GRAMD1B: variants seen among roughly 807,000 people sequenced by gnomAD.
GRAMD1B encodes the protein protein Aster-B.
Under a neutral mutation model 99.7 loss-of-function variants are expected in GRAMD1B, and 37 were observed. That is an observed-to-expected ratio of 0.37 (90% CI 0.29 to 0.49). The LOEUF (loss-of-function observed/expected upper bound fraction) is 0.49. Among genes scored for constraint, GRAMD1B ranks in the 20% least tolerant of loss-of-function variants. The pLI is 0.98. For missense variants in GRAMD1B, 888 were observed against 1,009.2 expected (o/e 0.88, Z 1.63); for synonymous variants, 427 against 387.6 (o/e 1.10, Z -1.19).
At chr11:123,478,604 TG>T (rs1951424695) in intron 1 of GRAMD1B, among the ~76,000 whole-genome samples, 1 of 152,162 alleles carries the variant, frequency 6.6e-6, no homozygotes, top group South Asian at 2.1e-4. Context: ...TGGGTAAACT[TG>T]CAAATATCAG....
intron 2 of GRAMD1B, among the ~76,000 whole-genome samples, chr11:123,530,983 C>G (rs1943313408): frequency 6.6e-6 from 1 of 152,150 alleles, no homozygotes; most frequent in Admixed American, 6.5e-5. Flanking sequence ...CTCTCAGCTT[C>G]CTTTTTAGTA....
At chr11:123,388,357 T>C (rs1404264645) in intron 1 of GRAMD1B, among the ~76,000 whole-genome samples, 1 of 151,792 alleles carries the variant, frequency 6.6e-6, no homozygotes, top group Admixed American at 6.6e-5. Context: ...CCCACATGAA[T>C]GGGATTAATT....
chr11:123,500,750 G>T (rs898114848), intron 2 of GRAMD1B, among the ~76,000 whole-genome samples: 2 of 151,910 alleles, frequency 1.3e-5, no homozygotes, highest in East Asian at 1.9e-4. Context: ...GCGGCTTACT[G>T]CAACCTCTGT....
intron 2 of GRAMD1B, among the ~76,000 whole-genome samples, chr11:123,507,436 C>T (rs1565309253): frequency 6.6e-6 from 1 of 152,178 alleles, no homozygotes; most frequent in Non-Finnish European, 1.5e-5. Context: ...CCACTACTCT[C>T]ATCCTCAACC....
chr11:123,448,412 G>A (rs528617322), intron 1 of GRAMD1B, among the ~76,000 whole-genome samples: 1 of 152,242 alleles, frequency 6.6e-6, no homozygotes, highest in South Asian at 2.1e-4. Context: ...TAGAGACGGG[G>A]TTTCGCCATA....
In GRAMD1B at chr11:123,591,149, G is replaced by A; in HGVS notation, c.685-2933G>A. The A allele has an allele frequency of 3.0e-6, 1 of 333,946 alleles. No homozygotes were observed. Among genetic ancestry groups the A allele is most frequent in the Non-Finnish European group, 5.4e-6 (1 of 185,260 alleles). The allele number at this position is 333,946 out of a possible 1,614,324, so 20.7% of individuals were successfully genotyped here. A position where few individuals can be genotyped will look rare whatever the true frequency, so the allele number is the denominator to read the frequency against. ...AAGCAGAGCCCGCCATGGGAGACTG[G>A]CTGGCCAGCTTGTCCTGAGAACCAC... On this transcript the variant is annotated intron_variant, in intron 4 of 19. Transcript: ENST00000635736. This position sits in a 1 kb window ranked among gnomAD's most constrained non-coding sequence, Gnocchi z 4.7.
rs1307741239 is a variant in GRAMD1B, at chr11:123,625,849, G to A, written c.*3254G>A. The A allele has an allele frequency of 6.6e-6, 1 of 151,966 alleles. No individual in the cohort carries two copies. The highest frequency in any genetic ancestry group is 2.4e-5 in the African/African-American group (1 of 41,346). The allele number at this position is 151,966 out of a possible 1,614,324, so 9.4% of individuals were successfully genotyped here. A position where few individuals can be genotyped will look rare whatever the true frequency, so the allele number is the denominator to read the frequency against. On this transcript the variant is annotated 3_prime_UTR_variant, in exon 20 of 20. Coordinates refer to ENST00000635736, the MANE Select transcript of GRAMD1B (RefSeq NM_001387025.1). ...GAAGCTTCCCAGTATTTAGAGGTGT[G>A]GTAGGGCAGTGTCTGCATTCCCAGG...
chr11:123,533,443 T>G (rs1943629418), intron 2 of GRAMD1B, among the ~76,000 whole-genome samples: 1 of 152,136 alleles, frequency 6.6e-6, no homozygotes, highest in Non-Finnish European at 1.5e-5. Context: ...TTTTATTTTT[T>G]TAAGACAGAG....
In GRAMD1B at chr11:123,572,270, C is replaced by T. The variant is rs77060150; in HGVS notation, c.453-5097C>T. The stretch of plus-strand genomic sequence containing the variant: ...AACACCAGTCTTCCTTCCATCCCTA[C>T]AGCATATGTAAGGTCTTTTTTATTT... On this transcript the variant is annotated intron_variant, in intron 2 of 19. Transcript: ENST00000635736. Among the ~76,000 whole-genome samples, 11 of 152,322 alleles carry T rather than the reference C, an allele frequency of 7.2e-5. No individual in the cohort carries two copies. The East Asian group carries it at 2.1e-3, about 29-fold the overall frequency.
At chr11:123,498,898 A>G (rs992555663) in intron 2 of GRAMD1B, among the ~76,000 whole-genome samples, 1 of 152,222 alleles carries the variant, frequency 6.6e-6, no homozygotes. Context: ...GCTTTGAGAA[A>G]TATGCTCTTT....
chr11:123,618,303 AACCTCT>A, intron 17 of GRAMD1B: 1 of 1,593,730 alleles, frequency 6.3e-7, no homozygotes, highest in Non-Finnish European at 8.6e-7. Context: ...GCCTGTTTCT[AACCTCT>A]GCCTCCTCCC....
intron 1 of GRAMD1B, among the ~76,000 whole-genome samples, chr11:123,414,881 G>C (rs1425194079): frequency 6.6e-6 from 1 of 152,046 alleles, no homozygotes; most frequent in Non-Finnish European, 1.5e-5. Flanking sequence ...GATGAGTCTC[G>C]CTCTAGAGCC....
At position 123,462,514 on chromosome 11, in the gene GRAMD1B, C is replaced by G. The variant is rs542040993; in HGVS notation, c.375-18302C>G. Among the ~76,000 whole-genome samples the G allele has an allele frequency of 3.9e-5, 6 of 152,338 alleles. No homozygotes were observed. In the East Asian group the frequency reaches 7.7e-4, roughly 20 times the overall value. ...TCAGCTCAGCCCCTGAGTCCCAGCC[C>G]AAGCTCAGAGTCCCTTCAGTCTCAT... On this transcript the variant is annotated intron_variant, in intron 1 of 19. Transcript: ENST00000635736.
At chr11:123,621,528 G>T (rs953509404) in intron 19 of GRAMD1B, among the ~76,000 whole-genome samples, 2 of 152,204 alleles carry the variant, frequency 1.3e-5, no homozygotes, top group Non-Finnish European at 2.9e-5. Flanking sequence ...CTGCAGTCCA[G>T]AGCCTGAGTG....
At chr11:123,613,076 T>A in intron 15 of GRAMD1B, 1 of 578,160 alleles carries the variant, frequency 1.7e-6, no homozygotes, top group Non-Finnish European at 3.1e-6. Context: ...CTAGGATGTT[T>A]AAGAGATCAT....
rs1053804997 is a variant in GRAMD1B, at chr11:123,610,751, T to C, written c.1919+413T>C. Among the ~76,000 whole-genome samples, 1 of 152,194 alleles carries C rather than the reference T, an allele frequency of 6.6e-6. No individual in the cohort carries two copies. The highest frequency in any genetic ancestry group is 2.4e-5 in the African/African-American group (1 of 41,450). On this transcript the variant is annotated intron_variant, in intron 14 of 19. Transcript: ENST00000635736. The surrounding 1 kb of genome is among the most constrained non-coding windows in gnomAD (Gnocchi z 4.1). ...CACTGAAACCCAGATCTTAGAGTTGTAAACCTGTGCTCTGTCCACCATGCT... is the reference window on the plus strand; with the variant it reads ...CACTGAAACCCAGATCTTAGAGTTGCAAACCTGTGCTCTGTCCACCATGCT...
At chr11:123,497,206 A>G (rs931288732) in intron 2 of GRAMD1B, among the ~76,000 whole-genome samples, 1 of 152,194 alleles carries the variant, frequency 6.6e-6, no homozygotes, top group African/African-American at 2.4e-5. Flanking sequence ...GAGAACATCA[A>G]GAAGAATTCT....
intron 1 of GRAMD1B, among the ~76,000 whole-genome samples, chr11:123,405,841 T>C (rs1420714828): frequency 6.6e-6 from 1 of 152,086 alleles, no homozygotes; most frequent in Non-Finnish European, 1.5e-5. Flanking sequence ...TTATGAAAAA[T>C]TAAATAGAAT....
chr11:123,610,893 T>G lies in GRAMD1B; in HGVS notation c.1919+555T>G, dbSNP rs768962271. Among the ~76,000 whole-genome samples the G allele has an allele frequency of 7.9e-5, 12 of 152,178 alleles. No individual in the cohort carries two copies. Among genetic ancestry groups the G allele is most frequent in the Non-Finnish European group, 1.5e-5 (1 of 68,036 alleles). Reference sequence around the variant, plus strand: ...GCACGTATCAGAGTCCAGAGAACACTTATTAGTGAATAATTAGTTCTGGGC... The same window carrying G: ...GCACGTATCAGAGTCCAGAGAACACGTATTAGTGAATAATTAGTTCTGGGC... On this transcript the variant is annotated intron_variant, in intron 14 of 19. Coordinates refer to ENST00000635736, the MANE Select transcript of GRAMD1B (RefSeq NM_001387025.1). The surrounding 1 kb of genome is among the most constrained non-coding windows in gnomAD (Gnocchi z 4.1).
Sources: allele counts gnomAD v4.1 joint callset (sites outside exome capture counted in the v4.1 genomes callset), GRCh38; gene constraint gnomAD v4.1.1; non-coding constraint Gnocchi (gnomAD v3.1); transcripts MANE v1.5; gene names NCBI Gene and HGNC (gene_info 2026-07-23, HGNC 2026-07-21).